Variants in MACROD2 observed in about 807,000 individuals in gnomAD.
The protein encoded by MACROD2 is mono-ADP ribosylhydrolase 2, also known as ADP-ribose glycohydrolase MACROD2.
A neutral mutation model predicts 70.4 loss-of-function variants in MACROD2; 36 were observed. That is an observed-to-expected ratio of 0.51 (90% CI 0.39 to 0.68). The LOEUF is 0.68. Among genes scored for constraint, MACROD2 ranks in the 30% least tolerant of loss-of-function variants. The pLI is 0.00. For synonymous variants in MACROD2, 172 were observed against 178.8 expected (o/e 0.96, Z 0.30); for missense variants, 496 against 538.4 (o/e 0.92, Z 0.78).
At chr20:14,116,804 C>CA (rs1200611715) in intron 3 of MACROD2, among the ~76,000 whole-genome samples, 1 of 152,142 alleles carries the variant, frequency 6.6e-6, no homozygotes, top group Non-Finnish European at 1.5e-5. Context: ...CACAGTGACT[C>CA]ATGCCTGTAA....
chr20:15,008,063 A>C (rs1226388811), intron 5 of MACROD2, among the ~76,000 whole-genome samples: 2 of 152,214 alleles, frequency 1.3e-5, no homozygotes, highest in African/African-American at 4.8e-5. Context: ...CTAGAAAAGA[A>C]CTGGCTTTCT....
At chr20:14,325,317 T>C in intron 3 of MACROD2, 1 of 368,574 alleles carries the variant, frequency 2.7e-6, no homozygotes, top group East Asian at 4.6e-5. Context: ...TACAAATTAC[T>C]AAAAAATACT....
At chr20:15,310,188 G>T (rs2077737363) in intron 6 of MACROD2, among the ~76,000 whole-genome samples, 1 of 152,120 alleles carries the variant, frequency 6.6e-6, no homozygotes, top group South Asian at 2.1e-4. Context: ...AGAAAGCCTG[G>T]GAAAGAGTAA....
intron 6 of MACROD2, among the ~76,000 whole-genome samples, chr20:15,235,071 G>C (rs1190679085): frequency 6.6e-6 from 1 of 151,968 alleles, no homozygotes; most frequent in Non-Finnish European, 1.5e-5. Context: ...ATTTATATTT[G>C]TCAATCATAT....
chr20:14,125,806 T>A (rs917988880), intron 3 of MACROD2, among the ~76,000 whole-genome samples: 1 of 152,192 alleles, frequency 6.6e-6, no homozygotes, highest in Non-Finnish European at 1.5e-5. Flanking sequence ...AAAGATCATG[T>A]TTCATTTGTT....
intron 4 of MACROD2, among the ~76,000 whole-genome samples, chr20:14,607,364 TG>T (rs1280263236): frequency 6.6e-6 from 1 of 152,156 alleles, no homozygotes; most frequent in Admixed American, 6.5e-5. Context: ...AAAACACAAT[TG>T]GCCCTAAAGA....
chr20:14,489,875 T>TTA (rs1422248904), intron 3 of MACROD2, among the ~76,000 whole-genome samples: 1 of 150,352 alleles, frequency 6.7e-6, no homozygotes, highest in Non-Finnish European at 1.5e-5. Context: ...TTTTTTTTTT[T>TTA]TAAAAGACAG....
intron 6 of MACROD2, among the ~76,000 whole-genome samples, chr20:15,404,183 A>G (rs1334776044): frequency 6.6e-6 from 1 of 152,148 alleles, no homozygotes; most frequent in East Asian, 1.9e-4. Flanking sequence ...GAATAATTCT[A>G]GTTTTTTTGT....
intron 3 of MACROD2, among the ~76,000 whole-genome samples, chr20:14,437,594 C>G (rs1568611491): frequency 6.6e-6 from 1 of 151,428 alleles, no homozygotes; most frequent in East Asian, 1.9e-4. Context: ...AACTCCATCT[C>G]AAAAAAAAAT....
chr20:14,356,923 A>T (rs891632489), intron 3 of MACROD2, among the ~76,000 whole-genome samples: 1 of 152,182 alleles, frequency 6.6e-6, no homozygotes, highest in Admixed American at 6.5e-5. Context: ...GGGCTTCTTC[A>T]GGACTGTCCA....
At chr20:14,923,150 C>T (rs113111810) in intron 5 of MACROD2, among the ~76,000 whole-genome samples, 1 of 152,184 alleles carries the variant, frequency 6.6e-6, no homozygotes, top group Non-Finnish European at 1.5e-5. Context: ...CCTCCAACCT[C>T]GCTGGCTGTT....
intron 5 of MACROD2, among the ~76,000 whole-genome samples, chr20:15,019,256 A>G (rs2075146034): frequency 6.6e-6 from 1 of 152,196 alleles, no homozygotes; most frequent in Non-Finnish European, 1.5e-5. Flanking sequence ...CAACTACACA[A>G]AGTTATGAGC....
At chr20:14,475,124 TA>T (rs1182389170) in intron 3 of MACROD2, among the ~76,000 whole-genome samples, 1 of 152,032 alleles carries the variant, frequency 6.6e-6, no homozygotes, top group Admixed American at 6.5e-5. Context: ...TTTTGTTTTT[TA>T]TAGGTTTTTA....
rs140135676 is a variant in MACROD2, at chr20:15,771,003, A to G, written c.646-91742A>G. ...TGTCCACGGGTAGGAGGGATTTGGA[A>G]AAGCCATAGATATTTGCAGAACAAT... On this transcript the variant is annotated intron_variant, in intron 8 of 17. Transcript: ENST00000684519. 3.7e-4 allele frequency among the ~76,000 whole-genome samples: 56 copies of G among 152,286 alleles called. 2 individuals are homozygous for G. In the East Asian group the frequency reaches 0.011, roughly 29 times the overall value.
chr20:15,716,198 A>G (rs2050705228), intron 8 of MACROD2, among the ~76,000 whole-genome samples: 1 of 152,182 alleles, frequency 6.6e-6, no homozygotes, highest in Non-Finnish European at 1.5e-5. Context: ...ATATCCGCTT[A>G]AAAAATGCTT....
At chr20:15,498,032 A>G (rs971909238) in intron 7 of MACROD2, among the ~76,000 whole-genome samples, 1 of 152,262 alleles carries the variant, frequency 6.6e-6, no homozygotes, top group Admixed American at 6.5e-5. Flanking sequence ...GAAAACGAAT[A>G]GGATTAAACA....
intron 2 of MACROD2, among the ~76,000 whole-genome samples, chr20:14,064,264 C>T (rs558210849): frequency 9.9e-5 from 15 of 152,062 alleles, no homozygotes; most frequent in African/African-American, 2.7e-4. Flanking sequence ...GTCTTTGGTC[C>T]GTTTTCATTT....
chr20:14,124,258 C>A (rs188474432), intron 3 of MACROD2, among the ~76,000 whole-genome samples: 1 of 152,240 alleles, frequency 6.6e-6, no homozygotes, highest in Admixed American at 6.5e-5. Flanking sequence ...TTTTGGGATG[C>A]CTAATTGAAT....
At chr20:15,198,042 A>T (rs1243856390) in intron 5 of MACROD2, among the ~76,000 whole-genome samples, 1 of 144,612 alleles carries the variant, frequency 6.9e-6, no homozygotes, top group Non-Finnish European at 1.5e-5. Flanking sequence ...GCTTACTGTA[A>T]ACTCCACCTC....
Sources: gnomAD v4.1 joint callset for allele counts (sites outside exome capture counted in the v4.1 genomes callset) on GRCh38, gnomAD v4.1.1 for gene constraint, MANE v1.5 for transcripts, NCBI Gene and HGNC (gene_info 2026-07-23, HGNC 2026-07-21) for gene names.